Variants in PDE4B observed in about 807,000 individuals in gnomAD.
PDE4B encodes 3',5'-cyclic-AMP phosphodiesterase 4B.
A neutral mutation model predicts 82.2 loss-of-function variants in PDE4B; 20 were observed. The ratio of observed to expected loss-of-function variants is 0.24; its 90% CI spans 0.17 to 0.35. The LOEUF (loss-of-function observed/expected upper bound fraction) is 0.35, where lower values mean the gene tolerates loss of function less well. Among genes scored for constraint, PDE4B ranks in the 10% least tolerant of loss-of-function variants. The probability of loss-of-function intolerance (pLI) is 1.00; values close to 1 mark genes in which losing one functional copy is unlikely to be tolerated. For synonymous variants in PDE4B, 320 were observed against 318.9 expected (o/e 1.00, Z -0.04); for missense variants, 655 against 907.2 (o/e 0.72, Z 3.57).
At chr1:66,260,176 A>G (rs559099580) in intron 6 of PDE4B, among the ~76,000 whole-genome samples, 1 of 152,342 alleles carries the variant, frequency 6.6e-6, no homozygotes, top group East Asian at 1.9e-4. Flanking sequence ...GAACAAATAA[A>G]GGTATTGTTA....
intron 3 of PDE4B, among the ~76,000 whole-genome samples, chr1:66,192,115 G>C (rs1254555425): frequency 6.6e-6 from 1 of 151,964 alleles, no homozygotes; most frequent in African/African-American, 2.4e-5. Flanking sequence ...TACTAAAAAA[G>C]GCTTACTTGG....
chr1:65,864,210 C>T (rs1402116713), intron 1 of PDE4B, among the ~76,000 whole-genome samples: 4 of 151,810 alleles, frequency 2.6e-5, no homozygotes, highest in Non-Finnish European at 4.4e-5. Context: ...TCAGCTCCAC[C>T]GAGTCATTTA....
At chr1:65,994,859 A>G (rs188999087) in intron 3 of PDE4B, among the ~76,000 whole-genome samples, 4 of 152,192 alleles carry the variant, frequency 2.6e-5, no homozygotes, top group African/African-American at 9.6e-5. Flanking sequence ...TTCTTATAAT[A>G]GATTTTTGAT....
rs200751647 is a variant in PDE4B at position 66,352,718 on chromosome 1, T to G, written c.748-2809T>G. Among the ~76,000 whole-genome samples, 4 of 27,630 alleles carry G rather than the reference T, an allele frequency of 1.4e-4. No homozygotes were observed. The South Asian group carries it at 4.2e-3, about 29-fold the overall frequency. The allele number at this position is 27,630 out of a possible 152,430, so 18.1% of individuals were successfully genotyped here. A position where few individuals can be genotyped will look rare whatever the true frequency, so the allele number is the denominator to read the frequency against. ...AAAAGAGTTTTTGTTTGTTCCTTTG[T>G]TTTTTTTTCACTGCTATATCATCAC... On this transcript the variant is annotated intron_variant, in intron 8 of 16. Coordinates refer to ENST00000341517, the MANE Select transcript of PDE4B (RefSeq NM_002600.4).
intron 3 of PDE4B, among the ~76,000 whole-genome samples, chr1:66,096,539 T>TATATATATAC (rs1645124441): frequency 1.4e-5 from 2 of 144,494 alleles, no homozygotes; most frequent in Non-Finnish European, 3.0e-5. Flanking sequence ...TATATATATA[T>TATATATATAC]ATACTGCATT....
intron 3 of PDE4B, among the ~76,000 whole-genome samples, chr1:66,129,127 G>A (rs1645881990): frequency 6.6e-6 from 1 of 152,216 alleles, no homozygotes; most frequent in African/African-American, 2.4e-5. Flanking sequence ...GCCCATGTGA[G>A]TGTTTGCATC....
chr1:66,170,148 T>C (rs190788956), intron 3 of PDE4B, among the ~76,000 whole-genome samples: 1 of 152,292 alleles, frequency 6.6e-6, no homozygotes, highest in East Asian at 1.9e-4. Flanking sequence ...TTTCAGGATG[T>C]TGCACATTAG....
In PDE4B at chr1:66,361,763, C is replaced by T. The variant is rs757332499; in HGVS notation, c.990C>T (p.Val330=). Residue 330 remains valine (V), a synonymous_variant, in exon 10 of 17, where the codon GTC becomes GTT. Transcript: ENST00000341517. ...LNNTSISRFG[V]NTENEDHLAK... ...ATACAAGCATCTCACGCTTTGGAGT[C>T]AACACTGAAAATGAAGATCACCTGG... is the stretch of plus-strand genomic sequence containing the variant. 3.3e-5 allele frequency: 54 copies of T among 1,612,116 alleles called. No individual in the cohort carries two copies. The highest frequency in any genetic ancestry group is 6.7e-5 in the Admixed American group (4 of 59,756).
chr1:65,891,722 G>C (rs992791699), intron 1 of PDE4B, among the ~76,000 whole-genome samples: 7 of 151,948 alleles, frequency 4.6e-5, no homozygotes, highest in African/African-American at 1.4e-4. Flanking sequence ...TTAATGAAAA[G>C]CATGGCAGAA....
At chr1:65,990,862 T>C (rs546564795) in intron 3 of PDE4B, among the ~76,000 whole-genome samples, 2 of 152,192 alleles carry the variant, frequency 1.3e-5, no homozygotes, top group Non-Finnish European at 2.9e-5. Flanking sequence ...TCTATAACTG[T>C]GCTTTTGTTC....
chr1:66,279,214 A>G (rs570946473), intron 7 of PDE4B, among the ~76,000 whole-genome samples: 12 of 152,326 alleles, frequency 7.9e-5, no homozygotes, highest in African/African-American at 2.6e-4. Flanking sequence ...TTCTAAAAGC[A>G]TCATAGCTCT....
At chr1:65,978,333 A>G (rs1313235633) in intron 3 of PDE4B, among the ~76,000 whole-genome samples, 2 of 152,060 alleles carry the variant, frequency 1.3e-5, no homozygotes, top group African/African-American at 4.8e-5. Context: ...TGGGTGCACT[A>G]CCATTTAATT....
chr1:65,890,134 A>T (rs868746931), intron 1 of PDE4B, among the ~76,000 whole-genome samples: 21 of 145,038 alleles, frequency 1.4e-4, no homozygotes, highest in South Asian at 1.1e-3. Flanking sequence ...AGCTTGACAA[A>T]TTTTTTTTTT....
At chr1:65,924,152 G>A (rs1206268480) in intron 3 of PDE4B, among the ~76,000 whole-genome samples, 2 of 123,832 alleles carry the variant, frequency 1.6e-5, no homozygotes, top group African/African-American at 6.0e-5. Flanking sequence ...TCGGCTCACT[G>A]CAAGCTCCGC....
intron 7 of PDE4B, among the ~76,000 whole-genome samples, chr1:66,323,433 GT>G (rs35861663): frequency 6.6e-6 from 1 of 152,138 alleles, no homozygotes; most frequent in African/African-American, 2.4e-5. Flanking sequence ...GTTGTACTAA[GT>G]TTTTGCATAA....
intron 7 of PDE4B, among the ~76,000 whole-genome samples, chr1:66,302,492 CAG>C (rs1433725415): frequency 1.3e-5 from 2 of 152,112 alleles, no homozygotes; most frequent in African/African-American, 4.8e-5. Context: ...GAGGTGGAAA[CAG>C]GGAGTGGCCT....
chr1:65,917,181 A>T (rs999565724), intron 2 of PDE4B, among the ~76,000 whole-genome samples: 3 of 152,194 alleles, frequency 2.0e-5, no homozygotes, highest in Non-Finnish European at 4.4e-5. Context: ...ATAATAATAG[A>T]TGTGTGTCAA....
intron 3 of PDE4B, among the ~76,000 whole-genome samples, chr1:66,132,044 G>A (rs1046184161): frequency 1.3e-5 from 2 of 152,126 alleles, no homozygotes; most frequent in Admixed American, 1.3e-4. Context: ...GAGGCTTTAG[G>A]GTTAGGTAAG....
chr1:65,854,042 G>T (rs570986369), intron 1 of PDE4B, among the ~76,000 whole-genome samples: 1 of 151,910 alleles, frequency 6.6e-6, no homozygotes, highest in South Asian at 2.1e-4. Flanking sequence ...AGAGCCTAGG[G>T]TTATTATAGA....
Sources: allele counts gnomAD v4.1 joint callset (sites outside exome capture counted in the v4.1 genomes callset), GRCh38; gene constraint gnomAD v4.1.1; transcripts MANE v1.5; gene names NCBI Gene and HGNC (gene_info 2026-07-23, HGNC 2026-07-21).